DSCAM: variants seen among roughly 807,000 people sequenced by gnomAD.
The protein encoded by DSCAM is DS cell adhesion molecule, also known as cell adhesion molecule DSCAM.
A neutral mutation model predicts 217.7 loss-of-function variants in DSCAM; 47 were observed. That is an observed-to-expected ratio of 0.22 (90% CI 0.17 to 0.28). The LOEUF is 0.28. Among genes scored for constraint, DSCAM ranks in the 10% least tolerant of loss-of-function variants. The probability of loss-of-function intolerance (pLI) is 1.00; values close to 1 mark genes in which losing one functional copy is unlikely to be tolerated. For missense variants in DSCAM, 2,080 were observed against 2,618.3 expected, an observed-to-expected ratio of 0.79 and a Z score of 4.49; for synonymous variants, 1,056 against 1,015.3, an observed-to-expected ratio of 1.04 and a Z score of -0.76.
At chr21:40,448,924 T>G (rs2145925869) in intron 3 of DSCAM, among the ~76,000 whole-genome samples, 1 of 152,288 alleles carries the variant, frequency 6.6e-6, no homozygotes, top group African/African-American at 2.4e-5. Context: ...CTTTTGGTGG[T>G]TAGGAGTTGA....
intron 27 of DSCAM, among the ~76,000 whole-genome samples, chr21:40,069,081 G>A (rs9975265): frequency 0.23 from 33,527 of 146,720 alleles, 4,933 homozygotes; most frequent in African/African-American, 0.39. Flanking sequence ...GCAAAACTCT[G>A]TCTCAGAAAA....
At position 40,131,663 on chromosome 21, in the gene DSCAM, G is replaced by A. The variant is rs114909974; in HGVS notation, c.3562+2191C>T. Reference sequence around the variant, plus strand: ...TGGTCTCGAACTCCTGGCCTCAAGCGATCCACCACTCCACTTCTTTTTGAA... The same window carrying A: ...TGGTCTCGAACTCCTGGCCTCAAGCAATCCACCACTCCACTTCTTTTTGAA... On this transcript the variant is annotated intron_variant, in intron 19 of 32. Transcript: ENST00000400454. 6.4e-3 allele frequency among the ~76,000 whole-genome samples: 969 copies of A among 152,150 alleles called. 10 individuals carry two copies. The highest frequency in any genetic ancestry group is 0.022 in the African/African-American group (919 of 41,514).
chr21:40,841,208 G>T (rs1466038963), intron 1 of DSCAM, among the ~76,000 whole-genome samples: 1 of 152,114 alleles, frequency 6.6e-6, no homozygotes, highest in Non-Finnish European at 1.5e-5. Context: ...GTCAGAAGCT[G>T]TCTGACCTCT....
At chr21:40,682,901 T>C (rs939100877) in intron 3 of DSCAM, among the ~76,000 whole-genome samples, 1 of 151,192 alleles carries the variant, frequency 6.6e-6, no homozygotes, top group Non-Finnish European at 1.5e-5. Context: ...AATACAGTAA[T>C]TACTAAGAGA....
chr21:40,253,611 G>C (rs1482856171), intron 11 of DSCAM, among the ~76,000 whole-genome samples: 1 of 152,216 alleles, frequency 6.6e-6, no homozygotes, highest in African/African-American at 2.4e-5. Context: ...GGAAGGAAGA[G>C]GGGCTAGAAA....
At chr21:40,559,375 G>T (rs1417807862) in intron 3 of DSCAM, among the ~76,000 whole-genome samples, 1 of 151,550 alleles carries the variant, frequency 6.6e-6, no homozygotes, top group African/African-American at 2.4e-5. Context: ...GAAGAATAGC[G>T]TAAACCCGGG....
rs75175942 is a variant in DSCAM, at chr21:40,226,612, G to A, written c.2357-37374C>T. Among the ~76,000 whole-genome samples the A allele has an allele frequency of 4.3e-3, 662 of 152,256 alleles. 7 individuals carry two copies. The highest frequency in any genetic ancestry group is 0.015 in the African/African-American group (639 of 41,558). On this transcript the variant is annotated intron_variant, in intron 11 of 32. Coordinates refer to ENST00000400454, the MANE Select transcript of DSCAM (RefSeq NM_001389.5). ...CCTCCACAAAGACCTCATTGTGTCA[G>A]GCTGTAACAAATGAACCCAAAGTCA... is the stretch of plus-strand genomic sequence containing the variant.
chr21:40,311,915 G>T (rs2074141473), intron 9 of DSCAM, among the ~76,000 whole-genome samples, 166 bp downstream of exon 9: 1 of 132,172 alleles, frequency 7.6e-6, no homozygotes, highest in Non-Finnish European at 1.6e-5. Context: ...GGGAATTCAT[G>T]GTTGGGTTTA....
At chr21:40,544,956 T>C (rs925642198) in intron 3 of DSCAM, among the ~76,000 whole-genome samples, 1 of 151,388 alleles carries the variant, frequency 6.6e-6, no homozygotes, top group Admixed American at 6.6e-5. Context: ...GAATTCAAAA[T>C]TTAGGAACCT....
intron 11 of DSCAM, among the ~76,000 whole-genome samples, chr21:40,243,380 A>G (rs1789877675): frequency 1.3e-5 from 2 of 152,318 alleles, no homozygotes; most frequent in South Asian, 2.1e-4. Flanking sequence ...GTCTTCTTAA[A>G]TGCATTTCTT....
At chr21:40,053,539 G>C (rs1055705377) in intron 29 of DSCAM, among the ~76,000 whole-genome samples, 1 of 152,202 alleles carries the variant, frequency 6.6e-6, no homozygotes, top group Non-Finnish European at 1.5e-5. Context: ...AATTTTGGGC[G>C]CCTGTCTGAT....
chr21:40,086,463 A>G (rs1028602400), intron 22 of DSCAM, among the ~76,000 whole-genome samples: 1 of 152,172 alleles, frequency 6.6e-6, no homozygotes, highest in Admixed American at 6.5e-5. Context: ...TCACTACACC[A>G]AGCCATTATT....
intron 8 of DSCAM, among the ~76,000 whole-genome samples, chr21:40,334,454 G>A (rs531545726): frequency 3.9e-5 from 6 of 152,060 alleles, no homozygotes; most frequent in Non-Finnish European, 7.4e-5. Flanking sequence ...CCAACCACTA[G>A]GAAAACCGAC....
intron 9 of DSCAM, among the ~76,000 whole-genome samples, chr21:40,304,808 T>A (rs994810347): frequency 1.8e-4 from 28 of 152,168 alleles, no homozygotes; most frequent in African/African-American, 6.8e-4. Flanking sequence ...AGTAGAGTGG[T>A]CAGAACACAC....
At position 40,751,398 on chromosome 21, in the gene DSCAM, T is replaced by C. The variant is rs77420022; in HGVS notation, c.44-42627A>G. ...AGATGAAGGCTTCCGCCTGTTTTGT[T>C]CACACTGTATCCCCAGCAGCCAGAA... is the stretch of plus-strand genomic sequence containing the variant. On this transcript the variant is annotated intron_variant, in intron 1 of 32. Coordinates refer to ENST00000400454, the MANE Select transcript of DSCAM (RefSeq NM_001389.5). 7.5e-3 allele frequency among the ~76,000 whole-genome samples: 1,148 copies of C among 152,310 alleles called. 14 individuals are homozygous for C. Among genetic ancestry groups the C allele is most frequent in the African/African-American group, 0.026 (1,095 of 41,566 alleles).
chr21:40,357,025 C>T (rs2074701070), intron 4 of DSCAM, among the ~76,000 whole-genome samples: 1 of 152,090 alleles, frequency 6.6e-6, no homozygotes, highest in South Asian at 2.1e-4. Context: ...ATGAGGGAAC[C>T]TAAATACTCT....
chr21:40,550,535 T>G (rs1215446288), intron 3 of DSCAM, among the ~76,000 whole-genome samples: 1 of 152,128 alleles, frequency 6.6e-6, no homozygotes, highest in Non-Finnish European at 1.5e-5. Flanking sequence ...AAAAAAAAAT[T>G]GCTTTTTCCT....
Position 40,424,356 on chromosome 21 carries a change from G to A in DSCAM, c.509-55111C>T, listed in dbSNP as rs1292173052. ...ATATAAGTGGTGTCCTTATAGAATG[G>A]AGAAATATGGAGACAGACACTGACA... On this transcript the variant is annotated intron_variant, in intron 3 of 32. Transcript: ENST00000400454. 4.6e-5 allele frequency among the ~76,000 whole-genome samples: 7 copies of A among 152,180 alleles called. No individual in the cohort carries two copies. In the East Asian group the frequency reaches 1.3e-3, roughly 29 times the overall value.
At chr21:40,391,955 A>G (rs966503332) in intron 3 of DSCAM, among the ~76,000 whole-genome samples, 5 of 152,202 alleles carry the variant, frequency 3.3e-5, no homozygotes, top group Non-Finnish European at 7.3e-5. Flanking sequence ...GGGGAAGCAG[A>G]TGTGAAAAAG....
Sources: gnomAD v4.1 joint callset for allele counts (sites outside exome capture counted in the v4.1 genomes callset) on GRCh38, gnomAD v4.1.1 for gene constraint, MANE v1.5 for transcripts, NCBI Gene and HGNC (gene_info 2026-07-23, HGNC 2026-07-21) for gene names.